CDC20B: variants seen among roughly 807,000 people sequenced by gnomAD.
CDC20B encodes the protein cell division cycle protein 20 homolog B.
CDC20B carries 58 observed loss-of-function variants against 64.1 expected under a neutral mutation model. The ratio of observed to expected loss-of-function variants is 0.90; its 90% confidence interval spans 0.73 to 1.13. The LOEUF is 1.13. Ranked by LOEUF, CDC20B falls within the 50% of genes most tolerant of loss-of-function variation. The probability of loss-of-function intolerance (pLI) is 0.00; values close to 1 mark genes in which losing one functional copy is unlikely to be tolerated. For synonymous variants in CDC20B, 243 were observed against 230.6 expected (o/e 1.05, Z -0.49); for missense variants, 597 against 633.0 (o/e 0.94, Z 0.61).
At chr5:55,159,459 G>T (rs1743926238) in intron 2 of CDC20B, among the ~76,000 whole-genome samples, 2 of 152,178 alleles carry the variant, frequency 1.3e-5, no homozygotes, top group African/African-American at 2.4e-5. Context: ...GTTGTGTGTT[G>T]TTTGTACCCA....
chr5:55,159,293 A>G (rs1002636930), intron 2 of CDC20B, among the ~76,000 whole-genome samples: 1 of 152,222 alleles, frequency 6.6e-6, no homozygotes, highest in Non-Finnish European at 1.5e-5. Flanking sequence ...CTGGGATTAC[A>G]GGCGTGAGCC....
intron 2 of CDC20B, among the ~76,000 whole-genome samples, chr5:55,155,388 C>T (rs567016879): frequency 4.6e-5 from 7 of 152,230 alleles, no homozygotes; most frequent in African/African-American, 1.4e-4. Context: ...GACCTGCTGG[C>T]GATGCTAGTC....
chr5:55,152,037 G>A (rs1385237616), intron 2 of CDC20B, among the ~76,000 whole-genome samples: 1 of 152,264 alleles, frequency 6.6e-6, no homozygotes, highest in African/African-American at 2.4e-5. Flanking sequence ...AGAGGGAGAT[G>A]TGACTGCACA....
rs373378995 is a variant in CDC20B at position 55,172,970 on chromosome 5, G to A, written c.31C>T (p.Arg11Trp). ...ATCTCCTCTTCCGTGCGGACCCTCCGAGGCGCGGTGCGCTCCAGTTTCCAC... is the reference window on the plus strand; with the variant it reads ...ATCTCCTCTTCCGTGCGGACCCTCCAAGGCGCGGTGCGCTCCAGTTTCCAC... MEWKLERTAP[R>W]RVRTEEEMLW... The change falls in exon 1 of 12, where the codon CGG (arginine) becomes TGG (tryptophan). Residue 11 changes from arginine to tryptophan, a missense_variant. Coordinates refer to ENST00000381375, the MANE Select transcript of CDC20B (RefSeq NM_001170402.1). The A allele has an allele frequency of 1.6e-5, 25 of 1,611,856 alleles. No individual in the cohort carries two copies. The highest frequency in any genetic ancestry group is 2.7e-5 in the African/African-American group (2 of 74,844).
chr5:55,122,066 C>T (rs2111804776), intron 9 of CDC20B, among the ~76,000 whole-genome samples: 1 of 152,302 alleles, frequency 6.6e-6, no homozygotes, highest in South Asian at 2.1e-4. Context: ...CTCTAGAATG[C>T]TCCACACTTC....
Position 55,140,382 on chromosome 5 carries a change from G to A in CDC20B, c.512C>T (p.Thr171Ile). The A allele has an allele frequency of 6.2e-7, 1 of 1,612,678 alleles. No homozygotes were observed. Among genetic ancestry groups the A allele is most frequent in the Non-Finnish European group, 8.5e-7 (1 of 1,179,366 alleles). ...GQKCLKQLFVTQNVVQQANGK... is the reference protein window; with the variant it reads ...GQKCLKQLFVIQNVVQQANGK... Reference sequence around the variant, plus strand: ...ATTAGCCTGCTGAACCACGTTCTGGGTTACAAAGAGTTGTTTTAGGCATTT... The same window carrying A: ...ATTAGCCTGCTGAACCACGTTCTGGATTACAAAGAGTTGTTTTAGGCATTT... The change falls in exon 5 of 12, where the codon ACC (threonine) becomes ATC (isoleucine). Residue 171 changes from threonine (T) to isoleucine (I), a missense_variant. Thr to Ile is a moderately conservative substitution (Grantham distance 89, BLOSUM62 -1). Transcript: ENST00000381375.
At chr5:55,122,459 C>A (rs938378722) in intron 9 of CDC20B, among the ~76,000 whole-genome samples, 1 of 151,890 alleles carries the variant, frequency 6.6e-6, no homozygotes, top group Non-Finnish European at 1.5e-5. Context: ...AAAGATTCTG[C>A]GGCAGATTGT....
chr5:55,117,636 T>C (rs1349585737), intron 11 of CDC20B, among the ~76,000 whole-genome samples: 4 of 151,990 alleles, frequency 2.6e-5, no homozygotes, highest in Non-Finnish European at 4.4e-5. Flanking sequence ...ACGAAAGCCA[T>C]AAAAATTAAA....
intron 9 of CDC20B, among the ~76,000 whole-genome samples, chr5:55,123,214 T>C (rs1742798983): frequency 6.6e-6 from 1 of 152,060 alleles, no homozygotes; most frequent in Non-Finnish European, 1.5e-5. Context: ...ACAATATATA[T>C]CATAAGTTAA....
At chr5:55,156,698 AC>A (rs1206440133) in intron 2 of CDC20B, among the ~76,000 whole-genome samples, 2 of 151,832 alleles carry the variant, frequency 1.3e-5, no homozygotes, top group Admixed American at 6.6e-5. Context: ...ATATGGTGAA[AC>A]CCCATCACTA....
Position 55,127,369 on chromosome 5 carries a change from G to A in CDC20B, c.895-18C>T, listed in dbSNP as rs1274085588. ...TCCCATAACTGAAAAAATGAACAAGGAGAGTTATGTAGCATTGGAGTTTTC... is the reference window on the plus strand; with the variant it reads ...TCCCATAACTGAAAAAATGAACAAGAAGAGTTATGTAGCATTGGAGTTTTC... On this transcript the variant is annotated intron_variant, in intron 7 of 11. Transcript: ENST00000381375. 1 of 1,601,890 alleles carries A rather than the reference G, an allele frequency of 6.2e-7. No individual in the cohort carries two copies. The highest frequency in any genetic ancestry group is 8.6e-7 in the Non-Finnish European group (1 of 1,169,072).
At chr5:55,126,466 CAAAAA>C (rs34581363) in intron 8 of CDC20B, 348 of 98,198 alleles carry the variant, frequency 3.5e-3, no homozygotes, top group South Asian at 0.01. Flanking sequence ...GATTCCATGT[CAAAAA>C]AAAAAAAAAA....
At chr5:55,125,911 T>C (rs1418604305) in intron 8 of CDC20B, among the ~76,000 whole-genome samples, 1 of 152,122 alleles carries the variant, frequency 6.6e-6, no homozygotes. Context: ...AAAAACAAAA[T>C]TGAGGATAAG....
chr5:55,171,141 C>T (rs1457239055), intron 2 of CDC20B, among the ~76,000 whole-genome samples: 1 of 152,076 alleles, frequency 6.6e-6, no homozygotes, highest in Non-Finnish European at 1.5e-5. Context: ...TGGTGAAACC[C>T]CGTCTCTATT....
chr5:55,117,412 A>C (rs955766085), intron 11 of CDC20B, among the ~76,000 whole-genome samples: 1 of 152,212 alleles, frequency 6.6e-6, no homozygotes, highest in African/African-American at 2.4e-5. Context: ...TACATGTACT[A>C]CATAACTATA....
intron 2 of CDC20B, chr5:55,170,669 T>C (rs1744567865): frequency 1.9e-6 from 1 of 534,678 alleles, no homozygotes; most frequent in Admixed American, 1.9e-5. Flanking sequence ...CAGAAGCAAG[T>C]GGCAGGGTAG....
At chr5:55,165,140 A>G (rs1332105573) in intron 2 of CDC20B, 3 of 152,222 alleles carry the variant, frequency 2.0e-5, no homozygotes, top group African/African-American at 7.2e-5. Context: ...CATCATTCTG[A>G]TAGCTGAAAT....
At chr5:55,119,377 C>T (rs892616835) in intron 11 of CDC20B, among the ~76,000 whole-genome samples, 10 of 152,170 alleles carry the variant, frequency 6.6e-5, no homozygotes, top group African/African-American at 2.2e-4. Context: ...GAGTAGTGGT[C>T]TACCTTGAAA....
At position 55,124,900 on chromosome 5, in the gene CDC20B, C is replaced by T. The variant is rs1276786235; in HGVS notation, c.1118G>A (p.Gly373Asp). 6 of 1,614,054 alleles carry T rather than the reference C, an allele frequency of 3.7e-6. No homozygotes were observed. The highest frequency in any genetic ancestry group is 3.3e-5 in the South Asian group (3 of 91,090). The change falls in exon 9 of 12, where the codon GGC becomes GAC. Residue 373 changes from glycine to aspartate, a missense_variant. Gly to Asp is a moderately conservative substitution (Grantham distance 94). Coordinates refer to ENST00000381375, the MANE Select transcript of CDC20B (RefSeq NM_001170402.1). ...TATTGTCAGCAGTCCATCACTGCAGCCGCTGGAAAGCAGCCTGCCATCCGG... is the reference window on the plus strand; with the variant it reads ...TATTGTCAGCAGTCCATCACTGCAGTCGCTGGAAAGCAGCCTGCCATCCGG... ...WSPDGRLLSS[G>D]CSDGLLTIWP...
Sources: gnomAD v4.1 joint callset for allele counts (sites outside exome capture counted in the v4.1 genomes callset) on GRCh38, gnomAD v4.1.1 for gene constraint, MANE v1.5 for transcripts, NCBI Gene and HGNC (gene_info 2026-07-23, HGNC 2026-07-21) for gene names.